SSPN: variants seen among roughly 807,000 people sequenced by gnomAD.
The protein encoded by SSPN is K-ras oncogene-associated protein.
In SSPN, 15 loss-of-function variants were observed where a neutral mutation model predicts 19.1. The ratio of observed to expected loss-of-function variants is 0.78; its 90% confidence interval spans 0.52 to 1.21. The LOEUF (loss-of-function observed/expected upper bound fraction) is 1.21. SSPN is among the 50% of genes most tolerant of loss of function. SSPN has a pLI of 0.00. For synonymous variants in SSPN, 147 were observed against 140.3 expected (o/e 1.05, Z -0.34); for missense variants, 291 against 314.0 (o/e 0.93, Z 0.55).
intron 1 of SSPN, among the ~76,000 whole-genome samples, chr12:26,175,898 A>G (rs1242769681): frequency 6.6e-6 from 1 of 150,980 alleles, no homozygotes; most frequent in Non-Finnish European, 1.5e-5. Flanking sequence ...GTGCAGTAGC[A>G]TGATCTTGGC....
At chr12:26,152,257 T>C (rs993054313) in intron 1 of SSPN, among the ~76,000 whole-genome samples, 2 of 152,200 alleles carry the variant, frequency 1.3e-5, no homozygotes, top group Non-Finnish European at 2.9e-5. Context: ...CTTACCATTA[T>C]GTAATATTTC....
intron 1 of SSPN, among the ~76,000 whole-genome samples, chr12:26,159,510 A>G (rs1330071987): frequency 1.3e-5 from 2 of 152,180 alleles, no homozygotes; most frequent in Non-Finnish European, 2.9e-5. Flanking sequence ...GGCAGGTAGA[A>G]CAGTGCAAGG....
intron 1 of SSPN, among the ~76,000 whole-genome samples, chr12:26,188,663 A>T (rs1259615614): frequency 6.6e-6 from 1 of 152,234 alleles, no homozygotes; most frequent in East Asian, 1.9e-4. Context: ...TATCAGAAAT[A>T]TCTGAATCCA....
chr12:26,124,878 C>A (rs1944349777), intron 1 of SSPN: 2 of 1,158,116 alleles, frequency 1.7e-6, no homozygotes, highest in Admixed American at 3.4e-5. Context: ...ATCTGTGCGT[C>A]TCCAGTCTCT....
intron 1 of SSPN, among the ~76,000 whole-genome samples, chr12:26,166,935 A>T (rs571315224): frequency 2.1e-4 from 32 of 152,374 alleles, no homozygotes; most frequent in African/African-American, 7.7e-4. Context: ...GAAGAATTAG[A>T]AAAACATTAA....
chr12:26,136,886 G>A (rs1465461799), intron 1 of SSPN, among the ~76,000 whole-genome samples: 1 of 152,216 alleles, frequency 6.6e-6, no homozygotes, highest in Non-Finnish European at 1.5e-5. Context: ...ACATTTATGT[G>A]CAAATTGGGG....
At chr12:26,204,175 G>T (rs1332457320) in intron 1 of SSPN, among the ~76,000 whole-genome samples, 1 of 152,118 alleles carries the variant, frequency 6.6e-6, no homozygotes, top group African/African-American at 2.4e-5. Context: ...GGCTTTCTTG[G>T]AACAGCTAGA....
intron 1 of SSPN, among the ~76,000 whole-genome samples, chr12:26,174,528 C>CCTTCCTTCCCTTCCTTCCTTCCTTCCTTT (rs1944672689): frequency 7.2e-6 from 1 of 139,012 alleles, no homozygotes; most frequent in East Asian, 2.1e-4. Context: ...TTCCTTCCTT[C>CCTTCCTTCCCTTCCTTCCTTCCTTCCTTT]CTTTCTTTTT....
chr12:26,140,064 C>T (rs961332110), intron 1 of SSPN, among the ~76,000 whole-genome samples: 7 of 152,122 alleles, frequency 4.6e-5, no homozygotes, highest in Non-Finnish European at 7.4e-5. Flanking sequence ...TTTATGTTTC[C>T]ATCTCTGCTT....
chr12:26,182,766 CTT>C (rs68001290), intron 1 of SSPN, among the ~76,000 whole-genome samples: 224 of 131,502 alleles, frequency 1.7e-3, no homozygotes, highest in Middle Eastern at 4.0e-3. Flanking sequence ...AAAGTACATA[CTT>C]TTTTTTTTTT....
At chr12:26,145,707 C>T (rs112072092) in intron 1 of SSPN, among the ~76,000 whole-genome samples, 2,213 of 152,278 alleles carry the variant, frequency 0.015, 55 homozygotes, top group African/African-American at 0.051. Context: ...AAGAATGGCG[C>T]CACCACCATG....
chr12:26,231,396 CTTACATAATCTTCTTTCCTG>C lies in SSPN; in HGVS notation c.*324_*343del, dbSNP rs141663588. The C allele has an allele frequency of 3.6e-4, 81 of 226,430 alleles. No individual in the cohort carries two copies. The East Asian group carries it at 9.2e-3, about 26-fold the overall frequency. 14.0% of individuals were successfully genotyped at this position (226,430 alleles called of 1,614,324 possible). On this transcript the variant is annotated 3_prime_UTR_variant, in exon 3 of 3. Transcript: ENST00000242729. ...TCCTGTTAACTCATTTTATCCATTC[CTTACATAATCTTCTTTCCTG>C]TTAGTCCAGTTTGATGGTGTGAATG...
intron 1 of SSPN, among the ~76,000 whole-genome samples, chr12:26,161,084 G>A (rs1457072044): frequency 6.8e-6 from 1 of 146,398 alleles, no homozygotes; most frequent in African/African-American, 2.6e-5. Context: ...CTCCAGCCTG[G>A]GTGACAGAGA....
chr12:26,157,404 T>G (rs1489121323), intron 1 of SSPN, among the ~76,000 whole-genome samples: 1 of 152,232 alleles, frequency 6.6e-6, no homozygotes, highest in Non-Finnish European at 1.5e-5. Context: ...GTCTTGGTTT[T>G]ATACATAAGC....
upstream of SSPN, among the ~76,000 whole-genome samples, chr12:26,192,307 G>A (rs181864105): frequency 2.2e-4 from 34 of 152,014 alleles, no homozygotes; most frequent in African/African-American, 4.6e-4. Context: ...CTTTTTTCCC[G>A]GTAATATAAA....
At position 26,158,584 on chromosome 12, in the gene SSPN, G is replaced by A. The variant is rs181173431; in HGVS notation, c.-31+36432G>A. Among the ~76,000 whole-genome samples, 702 of 152,356 alleles carry A rather than the reference G, an allele frequency of 4.6e-3. 9 individuals carry two copies. The highest frequency in any genetic ancestry group is 0.016 in the African/African-American group (664 of 41,588). On this transcript the variant is annotated intron_variant, in intron 1 of 2. Coordinates refer to the SSPN transcript ENST00000538142. The stretch of plus-strand genomic sequence containing the variant: ...GGAAGTCCCTCTGATTTTGCTGGTC[G>A]ACTCTGAATAGTCTGCAGCAATTCT...
At chr12:26,202,107 T>C (rs1441370485) in intron 1 of SSPN, among the ~76,000 whole-genome samples, 2 of 152,198 alleles carry the variant, frequency 1.3e-5, no homozygotes, top group Non-Finnish European at 2.9e-5. Context: ...TTATAATACC[T>C]AATACAATAT....
At chr12:26,196,327 A>T (rs1463003016) in intron 1 of SSPN, among the ~76,000 whole-genome samples, 4 of 152,262 alleles carry the variant, frequency 2.6e-5, no homozygotes, top group Admixed American at 2.6e-4. Flanking sequence ...GTCCTTAAAC[A>T]AGTGGCAAAA....
intron 1 of SSPN, among the ~76,000 whole-genome samples, chr12:26,207,148 G>A (rs1447652407): frequency 6.6e-6 from 1 of 152,200 alleles, no homozygotes; most frequent in Non-Finnish European, 1.5e-5. Context: ...TGGAGTAAGG[G>A]TAGAATTCTG....
Sources: allele counts gnomAD v4.1 joint callset (sites outside exome capture counted in the v4.1 genomes callset), GRCh38; gene constraint gnomAD v4.1.1; transcripts MANE v1.5; gene names NCBI Gene and HGNC (gene_info 2026-07-23, HGNC 2026-07-21).